The following RPL26 variants were observed in gnomAD, a reference collection of about 807,000 sequenced individuals.
RPL26 encodes the protein ribosomal protein L26, also known as large ribosomal subunit protein uL24.
In RPL26, 1 loss-of-function variant was observed where a neutral mutation model predicts 16.2. The ratio of observed to expected loss-of-function variants is 0.06; its 90% CI spans 0.02 to 0.29. The LOEUF (loss-of-function observed/expected upper bound fraction) is 0.29, where lower values mean the gene tolerates loss of function less well. Among genes scored for constraint, RPL26 ranks in the 10% least tolerant of loss-of-function variants. RPL26 has a pLI of 1.00. For missense variants in RPL26, 102 were observed against 184.3 expected, an observed-to-expected ratio of 0.55 and a Z score of 2.58; for synonymous variants, 55 against 62.4, an observed-to-expected ratio of 0.88 and a Z score of 0.56.
intron 3 of RPL26, among the ~76,000 whole-genome samples, chr17:8,378,688 C>T (rs1597494049): frequency 2.0e-5 from 3 of 152,138 alleles, no homozygotes; most frequent in Admixed American, 6.5e-5. Context: ...CTTATGAATG[C>T]GAGGAAAGGG....
In RPL26 at chr17:8,379,765, C is replaced by T. The variant is rs1194164717; in HGVS notation, c.309+31G>A. ...ATGTCAACAATAATTGCCATAATTT[C>T]CTTCTCTCAAGCATTCTCAAAAACA... On this transcript the variant is annotated intron_variant, in intron 3 of 3. Coordinates refer to ENST00000648839, the MANE Select transcript of RPL26 (RefSeq NM_000987.5). The T allele has an allele frequency of 1.9e-6, 3 of 1,598,534 alleles. No homozygotes were observed. In the Admixed American group the frequency reaches 5.1e-5, roughly 27 times the overall value.
intron 2 of RPL26, 25 bp from the exon 3 acceptor site, chr17:8,379,961 A>T: frequency 6.3e-7 from 1 of 1,588,786 alleles, no homozygotes; most frequent in Non-Finnish European, 8.6e-7. Flanking sequence ...AAAAGTAACA[A>T]ATATTTGAAT....
At position 8,379,778 on chromosome 17, in the gene RPL26, A is replaced by G. The variant is rs760388952; in HGVS notation, c.309+18T>C. 1.9e-5 allele frequency: 30 copies of G among 1,609,840 alleles called. No homozygotes were observed. The highest frequency in any genetic ancestry group is 2.5e-5 in the Non-Finnish European group (29 of 1,178,172). ...TTGCCATAATTTCCTTCTCTCAAGC[A>G]TTCTCAAAAACACCTACCTTGCTGG... On this transcript the variant is annotated intron_variant, in intron 3 of 3. Coordinates refer to ENST00000648839, the MANE Select transcript of RPL26 (RefSeq NM_000987.5).
At chr17:8,381,494 T>G (rs1409185292) in intron 2 of RPL26, among the ~76,000 whole-genome samples, 2 of 151,988 alleles carry the variant, frequency 1.3e-5, no homozygotes, top group Non-Finnish European at 2.9e-5. Context: ...TCGGGCAGGA[T>G]CCCCAGGAGT....
intron 3 of RPL26, among the ~76,000 whole-genome samples, chr17:8,378,308 C>G (rs1228533317): frequency 6.6e-6 from 1 of 152,082 alleles, no homozygotes; most frequent in African/African-American, 2.4e-5. Flanking sequence ...TGCACTCCAG[C>G]CTGGGCGATC....
At position 8,378,022 on chromosome 17, in the gene RPL26, AATATAT is replaced by A. The variant is rs554607556; in HGVS notation, c.310-336_310-331del. On this transcript the variant is annotated intron_variant, in intron 3 of 3. Transcript: ENST00000648839. ...ACAGTTTTACAAGCTGTCATATACA[AATATAT>A]TTGTTTCCAAAGTAACTTCAGGCTG... 7.1e-4 allele frequency among the ~76,000 whole-genome samples: 108 copies of A among 152,288 alleles called. No homozygotes were observed. In the South Asian group the frequency reaches 7.9e-3, roughly 11 times the overall value.
At chr17:8,382,044 A>T (rs984390897) in intron 2 of RPL26, 99 bp downstream of exon 2, 2 of 1,067,896 alleles carry the variant, frequency 1.9e-6, no homozygotes, top group African/African-American at 3.2e-5. Flanking sequence ...CTTTGGGAGC[A>T]AGAGTCTCAG....
chr17:8,382,535 C>T, intron 1 of RPL26: 1 of 484,392 alleles, frequency 2.1e-6, no homozygotes, highest in South Asian at 2.5e-5. Flanking sequence ...TGTTTACGGA[C>T]TAAAGACTTT....
At chr17:8,382,348 C>T in intron 1 of RPL26, 33 bp from the exon 2 acceptor site, 1 of 1,483,506 alleles carries the variant, frequency 6.7e-7, no homozygotes. Context: ...TCTTAAATGA[C>T]CAAAATCTCA....
At chr17:8,382,701 C>T (rs1005320125) in intron 1 of RPL26, 12 of 293,814 alleles carry the variant, frequency 4.1e-5, no homozygotes, top group Middle Eastern at 9.5e-4. Flanking sequence ...TTAGAAGGTA[C>T]AATCAACGTT....
chr17:8,380,411 T>C (rs1002871984), intron 2 of RPL26, among the ~76,000 whole-genome samples: 1 of 152,224 alleles, frequency 6.6e-6, no homozygotes, highest in African/African-American at 2.4e-5. Context: ...CAACCCACAC[T>C]GCTTGTTTGG....
At position 8,380,073 on chromosome 17, in the gene RPL26, G is replaced by A. The variant is rs1027436019; in HGVS notation, c.169-137C>T. ...AAAAAAGAGCCCACTTCGGCAACCT[G>A]TAAGAAGTTGACAACAAGGAATCTG... On this transcript the variant is annotated intron_variant, in intron 2 of 3. Transcript: ENST00000648839. 4.9e-5 allele frequency: 32 copies of A among 648,956 alleles called. No homozygotes were observed. The African/African-American group carries it at 5.3e-4, about 11-fold the overall frequency. 40.2% of individuals were successfully genotyped at this position (648,956 alleles called of 1,614,324 possible). A position where few individuals can be genotyped will look rare whatever the true frequency, so the allele number is the denominator to read the frequency against.
intron 2 of RPL26, 153 bp downstream of exon 2, chr17:8,381,989 CT>C: frequency 1.6e-6 from 1 of 613,562 alleles, no homozygotes; most frequent in Non-Finnish European, 2.9e-6. Flanking sequence ...TGAAAAGCAG[CT>C]TACTTACTGT....
At chr17:8,380,213 T>A (rs567139755) in intron 2 of RPL26, 2 of 344,986 alleles carry the variant, frequency 5.8e-6, no homozygotes, top group South Asian at 8.0e-5. Flanking sequence ...AACAAACCAA[T>A]TCTTTCCCAA....
intron 1 of RPL26, chr17:8,382,876 G>C (rs754939230): frequency 2.8e-4 from 111 of 395,254 alleles, no homozygotes; most frequent in Non-Finnish European, 4.6e-4. Context: ...AAGTTACTTC[G>C]AGACCATTCT....
At chr17:8,382,755 A>G (rs1327441906) in intron 1 of RPL26, 1 of 331,200 alleles carries the variant, frequency 3.0e-6, no homozygotes, top group Non-Finnish European at 5.4e-6. Context: ...GCCCCGCCAA[A>G]ATGAATAAGG....
intron 2 of RPL26, chr17:8,381,216 A>T (rs1907394843): frequency 6.6e-6 from 1 of 152,070 alleles, no homozygotes; most frequent in African/African-American, 2.4e-5. Context: ...CCTACCTGCC[A>T]AATTATCCTT....
Position 8,377,702 on chromosome 17 carries a change from A to C in RPL26, c.310-10T>G. On this transcript the variant is annotated splice_polypyrimidine_tract_variant and intron_variant, in intron 3 of 3. Coordinates refer to ENST00000648839, the MANE Select transcript of RPL26 (RefSeq NM_000987.5). ...GCCTAGTGATAACCACCTGCAGAAA[A>C]ATAAGAAAAAAACACTCCCAAGCTT... 1.9e-6 allele frequency: 3 copies of C among 1,599,262 alleles called. No individual in the cohort carries two copies. Among genetic ancestry groups the C allele is most frequent in the Non-Finnish European group, 2.6e-6 (3 of 1,172,946 alleles).
chr17:8,380,045 T>TA (rs1002347414), intron 2 of RPL26, 109 bp from the exon 3 acceptor site: 83 of 935,498 alleles, frequency 8.9e-5, no homozygotes, highest in Non-Finnish European at 1.0e-4. Flanking sequence ...ATTAAAAGGT[T>TA]AAAAAAAAGA....
Sources: gnomAD v4.1 joint callset for allele counts (sites outside exome capture counted in the v4.1 genomes callset) on GRCh38, gnomAD v4.1.1 for gene constraint, MANE v1.5 for transcripts, NCBI Gene and HGNC (gene_info 2026-07-23, HGNC 2026-07-21) for gene names.